Variants in INAFM2 observed in about 807,000 individuals in gnomAD.
INAFM2 encodes the protein putative transmembrane protein INAFM2.
INAFM2 carries 3 observed loss-of-function variants against 5.6 expected under a neutral mutation model. That is an observed-to-expected ratio of 0.54 (90% CI 0.24 to 1.39). The LOEUF is 1.39. Ranked by LOEUF, INAFM2 falls within the 40% of genes most tolerant of loss-of-function variation. The pLI, the probability that INAFM2 is intolerant of heterozygous loss-of-function variation, is 0.16. For missense variants in INAFM2, 186 were observed against 217.5 expected, an observed-to-expected ratio of 0.86 and a Z score of 0.91; for synonymous variants, 113 against 109.1, an observed-to-expected ratio of 1.04 and a Z score of -0.22.
In INAFM2 at chr15:40,323,961, A is replaced by C. The variant is rs1027767277; in HGVS notation, c.-95A>C. On this transcript the variant is annotated 5_prime_UTR_variant, in exon 1 of 1. Transcript: ENST00000638170. The surrounding 1 kb of genome is among the most constrained non-coding windows in gnomAD (Gnocchi z 5.6). ...CGGAGCGCGGGGCCGCCGGGAACCGAGGGCGCCGGGCCGCCCCCTGCCCAG... is the reference window on the plus strand; with the variant it reads ...CGGAGCGCGGGGCCGCCGGGAACCGCGGGCGCCGGGCCGCCCCCTGCCCAG... 4.6e-5 allele frequency: 29 copies of C among 630,068 alleles called. No individual in the cohort carries two copies. Among genetic ancestry groups the C allele is most frequent in the Admixed American group, 9.5e-5 (2 of 20,950 alleles). 39.0% of individuals were successfully genotyped at this position (630,068 alleles called of 1,614,324 possible).
rs1469353495 is a variant in INAFM2 at position 40,325,238 on chromosome 15, A to G, written c.*721A>G. The G allele has an allele frequency of 1.3e-5, 2 of 152,240 alleles. No individual in the cohort carries two copies. The highest frequency in any genetic ancestry group is 2.9e-5 in the Non-Finnish European group (2 of 68,050). 9.4% of individuals were successfully genotyped at this position (152,240 alleles called of 1,614,324 possible). On this transcript the variant is annotated 3_prime_UTR_variant, in exon 1 of 1. Coordinates refer to ENST00000638170, the MANE Select transcript of INAFM2 (RefSeq NM_001301268.2). ...TAAGTTTATGACGTTCTTTCACAAA[A>G]GAGTATAATCATTCTTAGACTGTTG...
rs1479768006 is a variant in INAFM2 at position 40,326,542 on chromosome 15, C to T, written c.*2025C>T. On this transcript the variant is annotated 3_prime_UTR_variant, in exon 1 of 1. Coordinates refer to ENST00000638170, the MANE Select transcript of INAFM2 (RefSeq NM_001301268.2). ...GTCCAGCTGCTGGCCTCCTGACTCTCCAAAGCCTTCACTGGAATTGGGACA... is the reference window on the plus strand; with the variant it reads ...GTCCAGCTGCTGGCCTCCTGACTCTTCAAAGCCTTCACTGGAATTGGGACA... 2.6e-5 allele frequency: 4 copies of T among 152,190 alleles called. No homozygotes were observed. Among genetic ancestry groups the T allele is most frequent in the African/African-American group, 9.7e-5 (4 of 41,438 alleles). 9.4% of individuals were successfully genotyped at this position (152,190 alleles called of 1,614,324 possible).
In INAFM2 at chr15:40,325,949, G is replaced by GA. The variant is rs1181915613; in HGVS notation, c.*1433dup. The stretch of plus-strand genomic sequence containing the variant: ...GGCAATTGAGTGTGGGTAGTGATGA[G>GA]ATATCAAATCCCTTAGTGTTTCCAT... On this transcript the variant is annotated 3_prime_UTR_variant, in exon 1 of 1. Coordinates refer to ENST00000638170, the MANE Select transcript of INAFM2 (RefSeq NM_001301268.2). 6.6e-6 allele frequency: 1 copy of GA among 152,124 alleles called. No homozygotes were observed. Among genetic ancestry groups the GA allele is most frequent in the African/African-American group, 2.4e-5 (1 of 41,420 alleles). The allele number at this position is 152,124 out of a possible 1,614,324, so 9.4% of individuals were successfully genotyped here.
chr15:40,324,232 C>T lies in INAFM2; in HGVS notation c.177C>T (p.Leu59=). ...TCGTGCTCGCCGTCTACTACAGCCTCATCTGGCAGCCGGTGGGCGCCGGGA... is the reference window on the plus strand; with the variant it reads ...TCGTGCTCGCCGTCTACTACAGCCTTATCTGGCAGCCGGTGGGCGCCGGGA... The part of the protein sequence containing the change: ...AAIVLAVYYS[L]IWQPVGAGTS... The change falls in exon 1 of 1, where the codon CTC becomes CTT. Residue 59 remains leucine (L), a synonymous_variant. Coordinates refer to ENST00000638170, the MANE Select transcript of INAFM2 (RefSeq NM_001301268.2). 1.6e-6 allele frequency: 2 copies of T among 1,229,660 alleles called. No individual in the cohort carries two copies. The highest frequency in any genetic ancestry group is 4.1e-5 in the South Asian group (1 of 24,298). The allele number at this position is 1,229,660 out of a possible 1,614,324, so 76.2% of individuals were successfully genotyped here.
Position 40,323,886 on chromosome 15 carries a change from C to A in INAFM2, c.-170C>A. On this transcript the variant is annotated 5_prime_UTR_variant, in exon 1 of 1. The change creates a new upstream start codon in the 5' untranslated region. Coordinates refer to ENST00000638170, the MANE Select transcript of INAFM2 (RefSeq NM_001301268.2). This position sits in a 1 kb window ranked among gnomAD's most constrained non-coding sequence, Gnocchi z 5.6. The stretch of plus-strand genomic sequence containing the variant: ...TGACTGGTCCAGGCCCCGGCGGCGG[C>A]TGCAGCAACGCGGTGGCGGGCTGCG... 1 of 180,984 alleles carries A rather than the reference C, an allele frequency of 5.5e-6. No homozygotes were observed. The highest frequency in any genetic ancestry group is 1.1e-5 in the Non-Finnish European group (1 of 92,542). 11.2% of individuals were successfully genotyped at this position (180,984 alleles called of 1,614,324 possible). A position where few individuals can be genotyped will look rare whatever the true frequency, so the allele number is the denominator to read the frequency against.
In INAFM2 at chr15:40,324,232, C is replaced by G; in HGVS notation, c.177C>G (p.Leu59=). The G allele has an allele frequency of 2.4e-6, 3 of 1,229,660 alleles. No homozygotes were observed. Among genetic ancestry groups the G allele is most frequent in the Non-Finnish European group, 3.0e-6 (3 of 986,724 alleles). 76.2% of individuals were successfully genotyped at this position (1,229,660 alleles called of 1,614,324 possible). A position where few individuals can be genotyped will look rare whatever the true frequency, so the allele number is the denominator to read the frequency against. The change falls in exon 1 of 1, where the codon CTC becomes CTG. Residue 59 remains leucine, a synonymous_variant. Coordinates refer to ENST00000638170, the MANE Select transcript of INAFM2 (RefSeq NM_001301268.2). Reference sequence around the variant, plus strand: ...TCGTGCTCGCCGTCTACTACAGCCTCATCTGGCAGCCGGTGGGCGCCGGGA... The same window carrying G: ...TCGTGCTCGCCGTCTACTACAGCCTGATCTGGCAGCCGGTGGGCGCCGGGA... ...AAIVLAVYYS[L]IWQPVGAGTS... is the part of the protein sequence containing the mutation.
In INAFM2 at chr15:40,324,764, G is replaced by T. The variant is rs1888759605; in HGVS notation, c.*247G>T. 33 of 291,630 alleles carry T rather than the reference G, an allele frequency of 1.1e-4. No individual in the cohort carries two copies. The highest frequency in any genetic ancestry group is 1.3e-4 in the Non-Finnish European group (21 of 158,270). The allele number at this position is 291,630 out of a possible 1,614,324, so 18.1% of individuals were successfully genotyped here. A position where few individuals can be genotyped will look rare whatever the true frequency, so the allele number is the denominator to read the frequency against. On this transcript the variant is annotated 3_prime_UTR_variant, in exon 1 of 1. Coordinates refer to ENST00000638170, the MANE Select transcript of INAFM2 (RefSeq NM_001301268.2). ...CCGTGCTGCACCAGGGCCCTGAGCC[G>T]TAGGGGGATGGGGGGAGGGGTGGGG...
At position 40,325,546 on chromosome 15, in the gene INAFM2, T is replaced by A. The variant is rs924310619; in HGVS notation, c.*1029T>A. The A allele has an allele frequency of 2.0e-5, 3 of 152,184 alleles. No individual in the cohort carries two copies. Among genetic ancestry groups the A allele is most frequent in the African/African-American group, 7.2e-5 (3 of 41,434 alleles). 9.4% of individuals were successfully genotyped at this position (152,184 alleles called of 1,614,324 possible). On this transcript the variant is annotated 3_prime_UTR_variant, in exon 1 of 1. Coordinates refer to ENST00000638170, the MANE Select transcript of INAFM2 (RefSeq NM_001301268.2). Reference sequence around the variant, plus strand: ...TTTTTTCCTGCTCCTCAAAATGTTGTCTTGTTCCGGCAATCACTTTTGCCT... The same window carrying A: ...TTTTTTCCTGCTCCTCAAAATGTTGACTTGTTCCGGCAATCACTTTTGCCT...
chr15:40,325,198 C>T lies in INAFM2; in HGVS notation c.*681C>T, dbSNP rs953415166. Reference sequence around the variant, plus strand: ...ATCACTCACTTTCTCCTGTTCCCCTCCTGTTTCTGAAATATAAGTTTATGA... The same window carrying T: ...ATCACTCACTTTCTCCTGTTCCCCTTCTGTTTCTGAAATATAAGTTTATGA... On this transcript the variant is annotated 3_prime_UTR_variant, in exon 1 of 1. Transcript: ENST00000638170. 7 of 152,232 alleles carry T rather than the reference C, an allele frequency of 4.6e-5. No individual in the cohort carries two copies. In the East Asian group the frequency reaches 9.6e-4, roughly 21 times the overall value. The allele number at this position is 152,232 out of a possible 1,614,324, so 9.4% of individuals were successfully genotyped here.
Position 40,324,205 on chromosome 15 carries a change from C to T in INAFM2, c.150C>T (p.Ala50=), listed in dbSNP as rs566008378. ...ACGTGCTCTCCGTGTCGCTGGCCGC[C>T]ATCGTGCTCGCCGTCTACTACAGCC... The part of the protein sequence containing the change: ...FAYVLSVSLA[A]IVLAVYYSLI... The change falls in exon 1 of 1, where the codon GCC becomes GCT. Residue 50 remains alanine (A), a synonymous_variant. Transcript: ENST00000638170. The T allele has an allele frequency of 4.9e-6, 6 of 1,229,534 alleles. No individual in the cohort carries two copies. Among genetic ancestry groups the T allele is most frequent in the African/African-American group, 4.7e-5 (3 of 64,388 alleles). The allele number at this position is 1,229,534 out of a possible 1,614,324, so 76.2% of individuals were successfully genotyped here.
In INAFM2 at chr15:40,325,707, C is replaced by G. The variant is rs1888779429; in HGVS notation, c.*1190C>G. On this transcript the variant is annotated 3_prime_UTR_variant, in exon 1 of 1. Coordinates refer to ENST00000638170, the MANE Select transcript of INAFM2 (RefSeq NM_001301268.2). Reference sequence around the variant, plus strand: ...CAGAAAGGCTGGAAGGTGGGCTTCACACTCAGGATTGTGCTTTGAGAACCA... The same window carrying G: ...CAGAAAGGCTGGAAGGTGGGCTTCAGACTCAGGATTGTGCTTTGAGAACCA... 1 of 152,194 alleles carries G rather than the reference C, an allele frequency of 6.6e-6. No homozygotes were observed. Among genetic ancestry groups the G allele is most frequent in the African/African-American group, 2.4e-5 (1 of 41,432 alleles). 9.4% of individuals were successfully genotyped at this position (152,194 alleles called of 1,614,324 possible). A position where few individuals can be genotyped will look rare whatever the true frequency, so the allele number is the denominator to read the frequency against.
Position 40,324,652 on chromosome 15 carries a change from G to C in INAFM2, c.*135G>C. 1.6e-6 allele frequency: 1 copy of C among 607,322 alleles called. No homozygotes were observed. Among genetic ancestry groups the C allele is most frequent in the Non-Finnish European group, 2.4e-6 (1 of 422,340 alleles). The allele number at this position is 607,322 out of a possible 1,614,324, so 37.6% of individuals were successfully genotyped here. A position where few individuals can be genotyped will look rare whatever the true frequency, so the allele number is the denominator to read the frequency against. ...CGCCCCTCACACTCCCACCATCGCC[G>C]GCTGGCCCCGGAGCGGGAGGCCCGC... On this transcript the variant is annotated 3_prime_UTR_variant, in exon 1 of 1. Transcript: ENST00000638170.
In INAFM2 at chr15:40,324,227, A is replaced by G. The variant is rs1888745030; in HGVS notation, c.172A>G (p.Ser58Gly). 1 of 1,229,046 alleles carries G rather than the reference A, an allele frequency of 8.1e-7. No individual in the cohort carries two copies. The highest frequency in any genetic ancestry group is 4.1e-5 in the South Asian group (1 of 24,294). The allele number at this position is 1,229,046 out of a possible 1,614,324, so 76.1% of individuals were successfully genotyped here. A position where few individuals can be genotyped will look rare whatever the true frequency, so the allele number is the denominator to read the frequency against. Residue 58 changes from serine to glycine, a missense_variant, in exon 1 of 1, where the codon AGC becomes GGC. Transcript: ENST00000638170. ...LAAIVLAVYY[S>G]LIWQPVGAGT... is the part of the protein sequence containing the mutation. ...CGCCATCGTGCTCGCCGTCTACTAC[A>G]GCCTCATCTGGCAGCCGGTGGGCGC... is the stretch of plus-strand genomic sequence containing the variant.
rs972144939 is a variant in INAFM2, at chr15:40,326,225, A to G, written c.*1708A>G. ...AGAGCAGATTTCTTAGCAGCTGACT[A>G]GGACTTCAGTCATTGGGAAGCCTAT... On this transcript the variant is annotated 3_prime_UTR_variant, in exon 1 of 1. Transcript: ENST00000638170. The G allele has an allele frequency of 6.6e-6, 1 of 152,246 alleles. No individual in the cohort carries two copies. Among genetic ancestry groups the G allele is most frequent in the Non-Finnish European group, 1.5e-5 (1 of 68,042 alleles). 9.4% of individuals were successfully genotyped at this position (152,246 alleles called of 1,614,324 possible).
chr15:40,324,251 G>A lies in INAFM2; in HGVS notation c.196G>A (p.Ala66Thr), dbSNP rs551640941. 5.4e-4 allele frequency: 662 copies of A among 1,229,576 alleles called. 3 individuals carry two copies. The African/African-American group carries it at 8.8e-3, about 16-fold the overall frequency. 76.2% of individuals were successfully genotyped at this position (1,229,576 alleles called of 1,614,324 possible). ...YYSLIWQPVG[A>T]GTSGGAAGPP... The stretch of plus-strand genomic sequence containing the variant: ...CAGCCTCATCTGGCAGCCGGTGGGC[G>A]CCGGGACCTCGGGGGGAGCCGCTGG... The change falls in exon 1 of 1, where the codon GCC becomes ACC. Residue 66 changes from alanine (A) to threonine (T), a missense_variant. By Grantham distance (58) the Ala-to-Thr change is moderately conservative. Transcript: ENST00000638170.
In INAFM2 at chr15:40,325,853, A is replaced by G. The variant is rs768070301; in HGVS notation, c.*1336A>G. The G allele has an allele frequency of 3.9e-5, 6 of 152,354 alleles. No homozygotes were observed. In the East Asian group the frequency reaches 1.2e-3, roughly 29 times the overall value. 9.4% of individuals were successfully genotyped at this position (152,354 alleles called of 1,614,324 possible). On this transcript the variant is annotated 3_prime_UTR_variant, in exon 1 of 1. Transcript: ENST00000638170. ...AGAAACATCAAGAGAAATGACATAC[A>G]TGTAGCTCTGGGGTAGCAAGAACTA...
chr15:40,324,667 G>C lies in INAFM2; in HGVS notation c.*150G>C, dbSNP rs891877294. ...CACCATCGCCGGCTGGCCCCGGAGCGGGAGGCCCGCAGCCAGATCTTCAGC... is the reference window on the plus strand; with the variant it reads ...CACCATCGCCGGCTGGCCCCGGAGCCGGAGGCCCGCAGCCAGATCTTCAGC... On this transcript the variant is annotated 3_prime_UTR_variant, in exon 1 of 1. Transcript: ENST00000638170. 6 of 524,368 alleles carry C rather than the reference G, an allele frequency of 1.1e-5. No individual in the cohort carries two copies. The highest frequency in any genetic ancestry group is 4.5e-5 in the Admixed American group (1 of 22,222). 32.5% of individuals were successfully genotyped at this position (524,368 alleles called of 1,614,324 possible). A position where few individuals can be genotyped will look rare whatever the true frequency, so the allele number is the denominator to read the frequency against.
rs1163481478 is a variant in INAFM2, at chr15:40,323,702, A to AGGCGGCC, written c.-344_-338dup. 2.0e-5 allele frequency: 3 copies of AGGCGGCC among 148,462 alleles called. No individual in the cohort carries two copies. The highest frequency in any genetic ancestry group is 1.8e-4 in the South Asian group (1 of 5,634). The allele number at this position is 148,462 out of a possible 1,614,324, so 9.2% of individuals were successfully genotyped here. ...GCGGTCCGCGCGGCCACTGGAGACC[A>AGGCGGCC]GGCGGCCGGCGGCCGGGCAGGCGGC... On this transcript the variant is annotated 5_prime_UTR_variant, in exon 1 of 1. Transcript: ENST00000638170. The surrounding 1 kb of genome is among the most constrained non-coding windows in gnomAD (Gnocchi z 5.6).
Position 40,324,223 on chromosome 15 carries a change from C to T in INAFM2, c.168C>T (p.Tyr56=), listed in dbSNP as rs1888744922. 2 of 1,229,728 alleles carry T rather than the reference C, an allele frequency of 1.6e-6. No individual in the cohort carries two copies. The highest frequency in any genetic ancestry group is 1.6e-5 in the African/African-American group (1 of 64,380). 76.2% of individuals were successfully genotyped at this position (1,229,728 alleles called of 1,614,324 possible). Reference sequence around the variant, plus strand: ...TGGCCGCCATCGTGCTCGCCGTCTACTACAGCCTCATCTGGCAGCCGGTGG... The same window carrying T: ...TGGCCGCCATCGTGCTCGCCGTCTATTACAGCCTCATCTGGCAGCCGGTGG... ...VSLAAIVLAV[Y]YSLIWQPVGA... is the part of the protein sequence containing the mutation. The change falls in exon 1 of 1, where the codon TAC becomes TAT. Residue 56 remains tyrosine, a synonymous_variant. Transcript: ENST00000638170.
Sources: allele counts gnomAD v4.1 joint callset, GRCh38; gene constraint gnomAD v4.1.1; non-coding constraint Gnocchi (gnomAD v3.1); transcripts MANE v1.5; gene names NCBI Gene and HGNC (gene_info 2026-07-23, HGNC 2026-07-21).